Variants in RAB11FIP3 observed in about 807,000 individuals in gnomAD.
The protein encoded by RAB11FIP3 is RAB11 family interacting protein 3, also known as rab11 family-interacting protein 3.
In RAB11FIP3, 17 loss-of-function variants were observed where a neutral mutation model predicts 77.8. The observed-to-expected ratio is 0.22, with a 90% CI of 0.15 to 0.33. The LOEUF (loss-of-function observed/expected upper bound fraction) is 0.33. RAB11FIP3 is among the 10% of genes least tolerant of loss of function. The pLI is 1.00. For missense variants in RAB11FIP3, 1,005 were observed against 1,011.2 expected, an observed-to-expected ratio of 0.99 and a Z score of 0.08; for synonymous variants, 437 against 448.2, an observed-to-expected ratio of 0.98 and a Z score of 0.31.
At chr16:462,807 C>CCGT (rs2055636293) in intron 2 of RAB11FIP3, among the ~76,000 whole-genome samples, 1 of 149,426 alleles carries the variant, frequency 6.7e-6, no homozygotes, top group Non-Finnish European at 1.5e-5. Flanking sequence ...TTCCCCAGCA[C>CCGT]CGTCCCTTCC....
intron 3 of RAB11FIP3, among the ~76,000 whole-genome samples, chr16:480,420 G>T (rs2056016197): frequency 1.3e-5 from 2 of 152,114 alleles, no homozygotes; most frequent in South Asian, 4.1e-4. Context: ...TGCGTCCCAG[G>T]TTCAAGCCAT....
At chr16:516,859 TA>T (rs1464109500) in intron 9 of RAB11FIP3, among the ~76,000 whole-genome samples, 9 of 152,018 alleles carry the variant, frequency 5.9e-5, no homozygotes, top group African/African-American at 2.2e-4. Flanking sequence ...ATCTCAAAAA[TA>T]AAATAAAATA....
At chr16:467,480 A>ACGTCAGGGAGGAGGTGCAGGGG (rs1567373720) in intron 2 of RAB11FIP3, among the ~76,000 whole-genome samples, 7 of 30,484 alleles carry the variant, frequency 2.3e-4, no homozygotes, top group Non-Finnish European at 4.3e-4. Context: ...AGGTGCTGGG[A>ACGTCAGGGAGGAGGTGCAGGGG]CGTCAGGGAG....
chr16:509,489 G>A (rs1567405311), intron 8 of RAB11FIP3, among the ~76,000 whole-genome samples: 1 of 152,272 alleles, frequency 6.6e-6, no homozygotes, highest in African/African-American at 2.4e-5. Flanking sequence ...GAGAGGCTCT[G>A]TGCGAGGCAG....
chr16:475,899 C>T (rs1455499437), intron 3 of RAB11FIP3, among the ~76,000 whole-genome samples: 4 of 152,016 alleles, frequency 2.6e-5, no homozygotes, highest in African/African-American at 9.7e-5. Flanking sequence ...CTCTGTCACC[C>T]AGGCTGGAGT....
intron 8 of RAB11FIP3, among the ~76,000 whole-genome samples, chr16:508,528 T>A (rs2031982020): frequency 6.6e-6 from 1 of 151,854 alleles, no homozygotes; most frequent in Non-Finnish European, 1.5e-5. Context: ...CATGCGCCAC[T>A]GTGCCCGGCT....
intron 3 of RAB11FIP3, chr16:482,311 C>T (rs1279164671): frequency 1.4e-6 from 1 of 693,246 alleles, no homozygotes; most frequent in Non-Finnish European, 2.6e-6. Context: ...CCACCGAGGC[C>T]TCCGAAAGTA....
intron 1 of RAB11FIP3, among the ~76,000 whole-genome samples, chr16:445,911 G>C (rs1167387763): frequency 6.6e-6 from 1 of 152,178 alleles, no homozygotes; most frequent in Non-Finnish European, 1.5e-5. Context: ...TCCAGGTACA[G>C]GTGTTCTCTG....
rs1207445577 is a variant in RAB11FIP3 at position 492,466 on chromosome 16, ACCCGAGGCCGCCCAGG to A, written c.1265+3467_1265+3482del. ...GCCGCCCAGGGCCCTTCCCGGGGAG[ACCCGAGGCCGCCCAGG>A]GCCCTCCCGGGAGACCCGAGGCCGC... On this transcript the variant is annotated intron_variant, in intron 5 of 13. Transcript: ENST00000262305. Among the ~76,000 whole-genome samples the A allele has an allele frequency of 1.6e-4, 16 of 98,904 alleles. 1 individual carries two copies. The highest frequency in any genetic ancestry group is 3.4e-4 in the African/African-American group (9 of 26,224). The allele number at this position is 98,904 out of a possible 152,430, so 64.9% of individuals were successfully genotyped here.
chr16:434,886 A>T (rs1307161562), intron 1 of RAB11FIP3, among the ~76,000 whole-genome samples: 22 of 151,994 alleles, frequency 1.4e-4, no homozygotes, highest in Admixed American at 1.4e-3. Context: ...AACATGGTAA[A>T]ATCTAAAGTC....
chr16:508,337 T>C (rs2031974216), intron 8 of RAB11FIP3, among the ~76,000 whole-genome samples: 1 of 152,252 alleles, frequency 6.6e-6, no homozygotes, highest in Non-Finnish European at 1.5e-5. Context: ...TTTGCCGTGC[T>C]GTGCACCTGG....
chr16:497,487 C>T (rs1176479977), intron 6 of RAB11FIP3: 1 of 1,194,586 alleles, frequency 8.4e-7, no homozygotes. Flanking sequence ...CCTTCCTAGT[C>T]CCCGTCCTGC....
chr16:510,550 T>G (rs1453395929), intron 8 of RAB11FIP3, 110 bp from the exon 9 acceptor site: 6 of 1,283,890 alleles, frequency 4.7e-6, no homozygotes, highest in African/African-American at 1.5e-5. Flanking sequence ...GGTGCCCTAC[T>G]CCCGAGTGGA....
rs2141830884 is a variant in RAB11FIP3 at position 426,613 on chromosome 16, G to A, written c.607G>A (p.Asp203Asn). The change falls in exon 1 of 14, where the codon GAC becomes AAC. Residue 203 changes from aspartate (D) to asparagine (N), a missense_variant. Physicochemically the swap from Asp to Asn is conservative, Grantham distance 23. Around this residue, in one of 4 missense-constraint regions of RAB11FIP3, gnomAD observed 466 missense variants for 408.3 expected, o/e 1.14. Coordinates refer to ENST00000262305, the MANE Select transcript of RAB11FIP3 (RefSeq NM_014700.4). The surrounding 1 kb of genome is among the most constrained non-coding windows in gnomAD (Gnocchi z 5.0). Reference protein sequence around the residue: ...LPSEPVGSQEDGPRLRAVFDA... With the variant: ...LPSEPVGSQENGPRLRAVFDA... ...GAGCGAGCCCGTGGGGAGTCAGGAGGACGGCCCCCGCCTCCGAGCCGTGTT... is the reference window on the plus strand; with the variant it reads ...GAGCGAGCCCGTGGGGAGTCAGGAGAACGGCCCCCGCCTCCGAGCCGTGTT... 1 of 1,595,078 alleles carries A rather than the reference G, an allele frequency of 6.3e-7. No homozygotes were observed. Among genetic ancestry groups the A allele is most frequent in the Non-Finnish European group, 8.5e-7 (1 of 1,171,770 alleles).
chr16:503,724 A>G (rs2031657342), intron 7 of RAB11FIP3, among the ~76,000 whole-genome samples: 1 of 152,086 alleles, frequency 6.6e-6, no homozygotes, highest in South Asian at 2.1e-4. Context: ...TACTAAAAAT[A>G]CAAAAGTTAG....
At position 505,637 on chromosome 16, in the gene RAB11FIP3, G is replaced by C. The variant is rs762475986; in HGVS notation, c.1499+10G>C. 1.3e-6 allele frequency: 2 copies of C among 1,584,044 alleles called. No individual in the cohort carries two copies. The highest frequency in any genetic ancestry group is 1.7e-6 in the Non-Finnish European group (2 of 1,171,874). Reference sequence around the variant, plus strand: ...TGCAGCTGGTGCACAGGTGAGCCTGGGCCAGGAGACCCGGGCCTCTGCGTG... The same window carrying C: ...TGCAGCTGGTGCACAGGTGAGCCTGCGCCAGGAGACCCGGGCCTCTGCGTG... On this transcript the variant is annotated intron_variant, in intron 8 of 13. Transcript: ENST00000262305. The surrounding 1 kb of genome is among the most constrained non-coding windows in gnomAD (Gnocchi z 4.0).
rs941650530 is a variant in RAB11FIP3, at chr16:506,010, C to T, written c.1499+383C>T. On this transcript the variant is annotated intron_variant, in intron 8 of 13. Transcript: ENST00000262305. This position sits in a 1 kb window ranked among gnomAD's most constrained non-coding sequence, Gnocchi z 4.5. Reference sequence around the variant, plus strand: ...CACTCTGGTCCATACGGGGTTTGCCCGTCCTGGAAGAATGCAGGTTAGAGA... The same window carrying T: ...CACTCTGGTCCATACGGGGTTTGCCTGTCCTGGAAGAATGCAGGTTAGAGA... 9.2e-5 allele frequency among the ~76,000 whole-genome samples: 14 copies of T among 152,196 alleles called. No individual in the cohort carries two copies. Among genetic ancestry groups the T allele is most frequent in the African/African-American group, 1.2e-4 (5 of 41,454 alleles).
At chr16:453,588 T>G (rs1178742944) in intron 1 of RAB11FIP3, 3 of 109,118 alleles carry the variant, frequency 2.7e-5, no homozygotes, top group East Asian at 4.1e-4. Context: ...GGAAGTTGGT[T>G]TTTTTTTTTT....
intron 6 of RAB11FIP3, among the ~76,000 whole-genome samples, chr16:502,075 G>C (rs1258297994): frequency 6.6e-6 from 1 of 152,262 alleles, no homozygotes; most frequent in Non-Finnish European, 1.5e-5. Flanking sequence ...TGTCAGCCTG[G>C]AGCCTGGCTT....
Sources: allele counts gnomAD v4.1 joint callset (sites outside exome capture counted in the v4.1 genomes callset), GRCh38; gene constraint gnomAD v4.1.1; regional missense constraint gnomAD v4.1.1; non-coding constraint Gnocchi (gnomAD v3.1); transcripts MANE v1.5; gene names NCBI Gene and HGNC (gene_info 2026-07-23, HGNC 2026-07-21).